The following MAF variants were observed in gnomAD, a reference collection of about 807,000 sequenced individuals.
MAF encodes transcription factor Maf.
MAF carries 10 observed loss-of-function variants against 22.0 expected under a neutral mutation model. The observed-to-expected ratio is 0.45, with a 90% confidence interval of 0.28 to 0.77. The LOEUF (loss-of-function observed/expected upper bound fraction) is 0.77. Ranked by LOEUF, MAF falls within the 30% of genes least tolerant of loss-of-function variation. MAF has a pLI of 0.12. For synonymous variants in MAF, 337 were observed against 255.8 expected (o/e 1.32, Z -3.03); for missense variants, 544 against 548.4 (o/e 0.99, Z 0.08).
At chr16:79,548,007 G>A in the MAF span, among the ~76,000 whole-genome samples, 3 of 151,956 alleles carry the variant, frequency 2.0e-5, no homozygotes, top group East Asian at 5.8e-4. Context: ...GCTCAGCAAA[G>A]AAACAGGTTC....
chr16:79,553,915 T>G, the MAF span, among the ~76,000 whole-genome samples: 2 of 151,876 alleles, frequency 1.3e-5, no homozygotes, highest in Non-Finnish European at 2.9e-5. Context: ...ATGGTGAAAC[T>G]CCATCTCTAC....
chr16:79,432,908 G>C, the MAF span, among the ~76,000 whole-genome samples: 6 of 152,286 alleles, frequency 3.9e-5, no homozygotes, highest in East Asian at 1.2e-3. Flanking sequence ...CCAGCACAGT[G>C]ATCTTGGACT....
At chr16:79,425,125 TTC>T in the MAF span, among the ~76,000 whole-genome samples, 2 of 152,198 alleles carry the variant, frequency 1.3e-5, 1 homozygote, top group Non-Finnish European at 2.9e-5. Context: ...GTATTAATTA[TTC>T]TGTTATGATC....
At chr16:79,274,594 C>G in the MAF span, among the ~76,000 whole-genome samples, 1 of 152,170 alleles carries the variant, frequency 6.6e-6, no homozygotes, top group African/African-American at 2.4e-5. Context: ...TACTGTATAG[C>G]CCGGCAGTTA....
At chr16:79,468,500 G>A in the MAF span, among the ~76,000 whole-genome samples, 2 of 152,210 alleles carry the variant, frequency 1.3e-5, no homozygotes, top group African/African-American at 4.8e-5. Context: ...CTTGCCTCAA[G>A]AATGTATTTT....
the MAF span, among the ~76,000 whole-genome samples, chr16:79,441,449 G>T: frequency 6.6e-6 from 1 of 152,200 alleles, no homozygotes; most frequent in Non-Finnish European, 1.5e-5. Context: ...CAACCACTCA[G>T]CTCTGCTGTT....
chr16:79,267,215 C>G, the MAF span, among the ~76,000 whole-genome samples: 1 of 152,190 alleles, frequency 6.6e-6, no homozygotes, highest in Non-Finnish European at 1.5e-5. Context: ...AAGATTCACA[C>G]TGATGAAGCA....
At chr16:79,455,459 A>G in the MAF span, among the ~76,000 whole-genome samples, 1 of 152,226 alleles carries the variant, frequency 6.6e-6, no homozygotes, top group Non-Finnish European at 1.5e-5. Context: ...AGTGGATGCT[A>G]CATTATCTCG....
the MAF span, among the ~76,000 whole-genome samples, chr16:79,268,482 AG>A: frequency 2.0e-5 from 3 of 152,198 alleles, no homozygotes; most frequent in Non-Finnish European, 4.4e-5. Flanking sequence ...GCATAGTAAA[AG>A]TGCAAGGCTG....
the MAF span, among the ~76,000 whole-genome samples, chr16:79,307,008 T>C: frequency 6.6e-6 from 1 of 152,192 alleles, no homozygotes; most frequent in Non-Finnish European, 1.5e-5. Context: ...TTATCAGTGT[T>C]TCCCAACTTC....
At chr16:79,224,373 G>C in the MAF span, among the ~76,000 whole-genome samples, 2 of 152,074 alleles carry the variant, frequency 1.3e-5, no homozygotes, top group African/African-American at 4.8e-5. Context: ...AATAATAAGA[G>C]CTATTTTTGA....
the MAF span, among the ~76,000 whole-genome samples, chr16:79,224,594 T>C: frequency 6.6e-6 from 1 of 152,198 alleles, no homozygotes. Context: ...ATGACATGAT[T>C]GCATATTTAG....
chr16:79,594,634 A>C (rs1913401391), intron 1 of MAF, 81 bp from the exon 2 acceptor site: 13 of 1,488,954 alleles, frequency 8.7e-6, no homozygotes, highest in African/African-American at 1.6e-5. Context: ...AGATTTCCTC[A>C]TATGATTTTT....
At chr16:79,564,232 G>A in the MAF span, among the ~76,000 whole-genome samples, 1 of 152,184 alleles carries the variant, frequency 6.6e-6, no homozygotes, top group Non-Finnish European at 1.5e-5. Flanking sequence ...TTTTGTTTCA[G>A]GAGAAGACGG....
At chr16:79,561,704 G>A in the MAF span, among the ~76,000 whole-genome samples, 1,241 of 152,144 alleles carry the variant, frequency 8.2e-3, 18 homozygotes, top group African/African-American at 0.029. Context: ...AATGTCTTGA[G>A]GAGAAGAAGA....
the MAF span, among the ~76,000 whole-genome samples, chr16:79,390,428 T>C: frequency 6.6e-6 from 1 of 152,210 alleles, no homozygotes; most frequent in Non-Finnish European, 1.5e-5. Flanking sequence ...CCACCTTTGG[T>C]TATTAACATG....
At chr16:79,519,720 T>C in the MAF span, among the ~76,000 whole-genome samples, 3 of 152,236 alleles carry the variant, frequency 2.0e-5, no homozygotes. Context: ...GCTGTAATTG[T>C]ACTGGTTTGC....
the MAF span, among the ~76,000 whole-genome samples, chr16:79,256,346 A>G: frequency 1.3e-5 from 2 of 152,114 alleles, no homozygotes; most frequent in Non-Finnish European, 2.9e-5. Context: ...TCGAGCAGGT[A>G]GATCACTCTC....
At chr16:79,256,808 T>C in the MAF span, among the ~76,000 whole-genome samples, 494 of 152,270 alleles carry the variant, frequency 3.2e-3, 1 homozygote, top group Non-Finnish European at 5.0e-3. Context: ...AATCTCCCCA[T>C]TGGTGCTCAC....
Sources: gnomAD v4.1 joint callset for allele counts (sites outside exome capture counted in the v4.1 genomes callset) on GRCh38, gnomAD v4.1.1 for gene constraint, MANE v1.5 for transcripts, NCBI Gene and HGNC (gene_info 2026-07-23, HGNC 2026-07-21) for gene names.